The following SIPA1L1 variants were observed in gnomAD, a reference collection of about 807,000 sequenced individuals.
The protein encoded by SIPA1L1 is signal-induced proliferation-associated 1-like protein 1.
In SIPA1L1, 26 loss-of-function variants were observed where a neutral mutation model predicts 162.7. The ratio of observed to expected loss-of-function variants is 0.16; its 90% CI spans 0.12 to 0.22. The LOEUF (loss-of-function observed/expected upper bound fraction) is 0.22, where lower values mean the gene tolerates loss of function less well. Among genes scored for constraint, SIPA1L1 ranks in the 10% least tolerant of loss-of-function variants. The pLI is 1.00. For synonymous variants in SIPA1L1, 829 were observed against 837.4 expected, an observed-to-expected ratio of 0.99 and a Z score of 0.17; for missense variants, 1,874 against 2,241.0, an observed-to-expected ratio of 0.84 and a Z score of 3.31.
chr14:71,560,363 C>T (rs1335614031), intron 4 of SIPA1L1, among the ~76,000 whole-genome samples: 1 of 152,094 alleles, frequency 6.6e-6, no homozygotes, highest in Non-Finnish European at 1.5e-5. Flanking sequence ...GAGCTTTTTC[C>T]TTGATTGTGT....
chr14:71,477,823 T>G (rs1216747410), intron 2 of SIPA1L1, among the ~76,000 whole-genome samples: 1 of 152,110 alleles, frequency 6.6e-6, no homozygotes, highest in African/African-American at 2.4e-5. Flanking sequence ...AACATTTGTG[T>G]TTTAGTGTTT....
intron 4 of SIPA1L1, among the ~76,000 whole-genome samples, chr14:71,557,976 C>T (rs2056483012): frequency 6.6e-6 from 1 of 152,144 alleles, no homozygotes; most frequent in African/African-American, 2.4e-5. Flanking sequence ...ATACTTAAAT[C>T]AGTTGTCTCA....
At chr14:71,415,806 TC>T (rs2042719038) in intron 2 of SIPA1L1, among the ~76,000 whole-genome samples, 1 of 152,110 alleles carries the variant, frequency 6.6e-6, no homozygotes, top group Non-Finnish European at 1.5e-5. Flanking sequence ...CAAGCGATTC[TC>T]CCGCCTCAGC....
At chr14:71,593,284 T>C (rs1177722037) in intron 5 of SIPA1L1, among the ~76,000 whole-genome samples, 1 of 152,154 alleles carries the variant, frequency 6.6e-6, no homozygotes, top group Non-Finnish European at 1.5e-5. Flanking sequence ...CGATCTCCGC[T>C]CACTGCAATC....
intron 17 of SIPA1L1, among the ~76,000 whole-genome samples, chr14:71,711,866 C>T (rs2082898841): frequency 6.6e-6 from 1 of 152,116 alleles, no homozygotes; most frequent in Non-Finnish European, 1.5e-5. Context: ...AGAATGTGGC[C>T]ATTCAGGGAG....
intron 4 of SIPA1L1, among the ~76,000 whole-genome samples, chr14:71,540,316 C>T (rs2054266980): frequency 6.6e-6 from 1 of 152,132 alleles, no homozygotes; most frequent in African/African-American, 2.4e-5. Flanking sequence ...CCAGTGCATA[C>T]TGAAATCAAA....
intron 2 of SIPA1L1, among the ~76,000 whole-genome samples, chr14:71,324,854 C>G (rs558497547): frequency 6.6e-6 from 1 of 152,002 alleles, no homozygotes; most frequent in Non-Finnish European, 1.5e-5. Flanking sequence ...GTAAGGGTAA[C>G]CAGAGATTGG....
At chr14:71,503,609 TAGA>T (rs2050420666) in intron 2 of SIPA1L1, among the ~76,000 whole-genome samples, 1 of 152,174 alleles carries the variant, frequency 6.6e-6, no homozygotes, top group Non-Finnish European at 1.5e-5. Context: ...TTAATGTTTC[TAGA>T]CAACCCATTT....
chr14:71,702,750 A>G (rs750915107), intron 15 of SIPA1L1, among the ~76,000 whole-genome samples: 1 of 152,228 alleles, frequency 6.6e-6, no homozygotes, highest in Non-Finnish European at 1.5e-5. Context: ...CACCTAGATT[A>G]AAACACCAGA....
intron 3 of SIPA1L1, among the ~76,000 whole-genome samples, chr14:71,517,703 T>G (rs541928909): frequency 6.6e-6 from 1 of 152,360 alleles, no homozygotes; most frequent in African/African-American, 2.4e-5. Context: ...GTTTGACTTT[T>G]TAAATTTAGT....
chr14:71,341,831 G>T (rs1183541963), intron 2 of SIPA1L1, among the ~76,000 whole-genome samples: 1 of 152,118 alleles, frequency 6.6e-6, no homozygotes, highest in Non-Finnish European at 1.5e-5. Context: ...CACAGGACAT[G>T]ATTTTACTCT....
At chr14:71,734,839 G>A (rs1249990648) in intron 21 of SIPA1L1, among the ~76,000 whole-genome samples, 3 of 152,194 alleles carry the variant, frequency 2.0e-5, no homozygotes, top group Non-Finnish European at 4.4e-5. Context: ...TGGAATACAG[G>A]TGGTATGGAT....
At chr14:71,450,436 G>T (rs949391649) in intron 2 of SIPA1L1, among the ~76,000 whole-genome samples, 3 of 151,964 alleles carry the variant, frequency 2.0e-5, no homozygotes, top group Non-Finnish European at 4.4e-5. Context: ...AGTCATTCTG[G>T]GTAGCCAAAC....
intron 4 of SIPA1L1, among the ~76,000 whole-genome samples, chr14:71,539,764 A>T (rs2054218357): frequency 6.6e-6 from 1 of 152,122 alleles, no homozygotes; most frequent in Admixed American, 6.5e-5. Flanking sequence ...TCCCATGGAG[A>T]GATGTGTGAC....
In SIPA1L1 at chr14:71,740,890, CCTT is replaced by C. The variant is rs1380151024; in HGVS notation, c.*1732_*1734del. 1 of 152,158 alleles carries C rather than the reference CCTT, an allele frequency of 6.6e-6. No homozygotes were observed. Among genetic ancestry groups the C allele is most frequent in the Non-Finnish European group, 1.5e-5 (1 of 68,022 alleles). The allele number at this position is 152,158 out of a possible 1,614,324, so 9.4% of individuals were successfully genotyped here. On this transcript the variant is annotated 3_prime_UTR_variant, in exon 24 of 24. Transcript: ENST00000381232. ...CCAAGCATTCTGAAGTCTTGCTTAT[CCTT>C]CTGAGTTTAGTTCTCATTTTGTTTT...
At chr14:71,321,426 A>T (rs1048312983) in intron 2 of SIPA1L1, 2 of 152,292 alleles carry the variant, frequency 1.3e-5, no homozygotes, top group African/African-American at 4.8e-5. Flanking sequence ...ACTACTGGGC[A>T]GGCGTCTCTG....
rs2044530014 is a variant in SIPA1L1 at position 71,671,697 on chromosome 14, G to A, written c.2829+5G>A. 1 of 1,576,794 alleles carries A rather than the reference G, an allele frequency of 6.3e-7. No homozygotes were observed. Among genetic ancestry groups the A allele is most frequent in the East Asian group, 2.2e-5 (1 of 44,736 alleles). On this transcript the variant is annotated splice_donor_5th_base_variant and intron_variant, in intron 11 of 23. Transcript: ENST00000381232. Reference sequence around the variant, plus strand: ...GAGATTGTCAAAAGGTTGCAGGTGAGTCTCTCCTTCCTCTTCCTTACATGC... The same window carrying A: ...GAGATTGTCAAAAGGTTGCAGGTGAATCTCTCCTTCCTCTTCCTTACATGC...
intron 1 of SIPA1L1, 37 bp from the exon 2 acceptor site, chr14:71,321,085 C>T (rs2032786980): frequency 6.6e-6 from 1 of 151,938 alleles, no homozygotes; most frequent in Admixed American, 6.5e-5. Context: ...CGAGTGAGCG[C>T]GCGCCGGCCG....
At chr14:71,697,944 AC>A (rs200206937) in intron 13 of SIPA1L1, among the ~76,000 whole-genome samples, 331 of 151,658 alleles carry the variant, frequency 2.2e-3, no homozygotes, top group East Asian at 7.3e-3. Context: ...CAAAAAAAAA[AC>A]CACAGAAAAC....
Sources: allele counts gnomAD v4.1 joint callset (sites outside exome capture counted in the v4.1 genomes callset), GRCh38; gene constraint gnomAD v4.1.1; transcripts MANE v1.5; gene names NCBI Gene and HGNC (gene_info 2026-07-23, HGNC 2026-07-21).